The following LRMDA variants were observed in gnomAD, a reference collection of about 807,000 sequenced individuals.
LRMDA encodes the protein leucine-rich melanocyte differentiation-associated protein.
In LRMDA, 18 loss-of-function variants were observed where a neutral mutation model predicts 29.8. The ratio of observed to expected loss-of-function variants is 0.60; its 90% CI spans 0.42 to 0.90. The LOEUF (loss-of-function observed/expected upper bound fraction) is 0.90. Among genes scored for constraint, LRMDA ranks in the 40% least tolerant of loss-of-function variants. The probability of loss-of-function intolerance (pLI) is 0.00; values close to 1 mark genes in which losing one functional copy is unlikely to be tolerated. For missense variants in LRMDA, 273 were observed against 273.9 expected (o/e 1.00, Z 0.02); for synonymous variants, 125 against 109.4 (o/e 1.14, Z -0.89).
At chr10:76,302,587 A>G (rs2132363765) in intron 5 of LRMDA, among the ~76,000 whole-genome samples, 1 of 151,512 alleles carries the variant, frequency 6.6e-6, no homozygotes, top group East Asian at 1.9e-4. Context: ...TGGAGTGGAT[A>G]CTCTTGTTTC....
At chr10:76,442,311 G>T (rs1340159659) in intron 6 of LRMDA, among the ~76,000 whole-genome samples, 1 of 152,172 alleles carries the variant, frequency 6.6e-6, no homozygotes, top group African/African-American at 2.4e-5. Flanking sequence ...TTATCATGTG[G>T]CTTTAATCCC....
chr10:75,972,406 T>G (rs73281439), intron 2 of LRMDA, among the ~76,000 whole-genome samples: 2,568 of 152,218 alleles, frequency 0.017, 81 homozygotes, highest in African/African-American at 0.058. Context: ...TCCTATCCTA[T>G]TCATATAAAA....
chr10:76,242,901 C>T (rs967382898), intron 5 of LRMDA, among the ~76,000 whole-genome samples: 2 of 152,166 alleles, frequency 1.3e-5, no homozygotes, highest in Non-Finnish European at 2.9e-5. Context: ...CTGGTTTTCT[C>T]TCAGATATGA....
chr10:76,060,860 T>C (rs1848691520), intron 5 of LRMDA, among the ~76,000 whole-genome samples: 1 of 152,208 alleles, frequency 6.6e-6, no homozygotes, highest in Non-Finnish European at 1.5e-5. Flanking sequence ...CTAGAATTAG[T>C]TCATGTTTGT....
chr10:75,868,023 A>T (rs912069085), intron 2 of LRMDA, among the ~76,000 whole-genome samples: 1 of 152,212 alleles, frequency 6.6e-6, no homozygotes, highest in African/African-American at 2.4e-5. Flanking sequence ...ATTTAAAAAT[A>T]TAAAAACTAT....
intron 6 of LRMDA, among the ~76,000 whole-genome samples, chr10:76,329,980 CTG>C (rs1420386668): frequency 6.6e-6 from 1 of 152,054 alleles, no homozygotes; most frequent in African/African-American, 2.4e-5. Context: ...ATTTAAATGT[CTG>C]TATGTGAAGA....
At chr10:75,604,449 T>C (rs7095903) in intron 2 of LRMDA, among the ~76,000 whole-genome samples, 20,973 of 152,182 alleles carry the variant, frequency 0.14, 4,590 homozygotes, top group African/African-American at 0.46. Context: ...CTCTGCCGTC[T>C]TCCAGTTATT....
At chr10:76,406,958 A>G (rs1374123118) in intron 6 of LRMDA, among the ~76,000 whole-genome samples, 1 of 152,202 alleles carries the variant, frequency 6.6e-6, no homozygotes, top group Non-Finnish European at 1.5e-5. Flanking sequence ...TCACTCAGTC[A>G]TCTTTCCCAC....
At chr10:75,621,705 A>G (rs1589137763) in intron 2 of LRMDA, among the ~76,000 whole-genome samples, 1 of 152,186 alleles carries the variant, frequency 6.6e-6, no homozygotes, top group South Asian at 2.1e-4. Context: ...CATCCAGACA[A>G]TTCTTGGGTT....
At chr10:76,352,507 T>A (rs1200776859) in intron 6 of LRMDA, among the ~76,000 whole-genome samples, 1 of 152,028 alleles carries the variant, frequency 6.6e-6, no homozygotes, top group Non-Finnish European at 1.5e-5. Context: ...GACATAGCGA[T>A]GACTCACATC....
intron 2 of LRMDA, among the ~76,000 whole-genome samples, chr10:75,902,345 T>G (rs1280609176): frequency 6.6e-6 from 1 of 152,192 alleles, no homozygotes; most frequent in South Asian, 2.1e-4. Context: ...AGGCTCCAGG[T>G]TGGAAATGCC....
chr10:76,538,544 G>GTATATA (rs200606317), intron 6 of LRMDA, among the ~76,000 whole-genome samples: 1 of 139,952 alleles, frequency 7.1e-6, no homozygotes, highest in African/African-American at 2.8e-5. Context: ...TTATATATAT[G>GTATATA]TATATATATA....
chr10:75,699,054 AGTCAGGTGTG>A (rs1217413993), intron 2 of LRMDA, among the ~76,000 whole-genome samples: 2 of 152,102 alleles, frequency 1.3e-5, no homozygotes, highest in African/African-American at 2.4e-5. Context: ...TACAAAAAAT[AGTCAGGTGTG>A]GTGGTGGGTG....
At chr10:76,217,036 A>T (rs946719695) in intron 5 of LRMDA, among the ~76,000 whole-genome samples, 3 of 152,244 alleles carry the variant, frequency 2.0e-5, no homozygotes, top group Admixed American at 6.5e-5. Flanking sequence ...AGACATATCC[A>T]TACCAGATGC....
At chr10:76,109,735 C>T (rs1015993586) in intron 5 of LRMDA, among the ~76,000 whole-genome samples, 1 of 152,216 alleles carries the variant, frequency 6.6e-6, no homozygotes, top group Non-Finnish European at 1.5e-5. Context: ...GTTGCTAAAT[C>T]CAATGGACCT....
chr10:75,857,087 G>T (rs574436288), intron 2 of LRMDA, among the ~76,000 whole-genome samples: 1 of 152,268 alleles, frequency 6.6e-6, no homozygotes, highest in East Asian at 1.9e-4. Flanking sequence ...GTGACCTCTG[G>T]CAAGTTAGCT....
At chr10:76,232,548 T>G (rs1263837053) in intron 5 of LRMDA, among the ~76,000 whole-genome samples, 4 of 152,228 alleles carry the variant, frequency 2.6e-5, no homozygotes, top group Non-Finnish European at 5.9e-5. Context: ...TGCAGGATTT[T>G]CTTCTTGGTC....
At chr10:76,017,146 T>C (rs1427888382) in intron 2 of LRMDA, among the ~76,000 whole-genome samples, 7 of 152,184 alleles carry the variant, frequency 4.6e-5, no homozygotes, top group Admixed American at 1.3e-4. Flanking sequence ...AAGAATGCCA[T>C]GTGAAGAGAT....
chr10:75,434,531 C>T (rs1844243779), intron 1 of LRMDA, among the ~76,000 whole-genome samples: 1 of 152,200 alleles, frequency 6.6e-6, no homozygotes, highest in African/African-American at 2.4e-5. Flanking sequence ...TACCGGGAAT[C>T]AGATTTGTAC....
Sources: gnomAD v4.1 joint callset for allele counts (sites outside exome capture counted in the v4.1 genomes callset) on GRCh38, gnomAD v4.1.1 for gene constraint, MANE v1.5 for transcripts, NCBI Gene and HGNC (gene_info 2026-07-23, HGNC 2026-07-21) for gene names.